The following TMEM64 variants were observed in gnomAD, a reference collection of about 807,000 sequenced individuals.
TMEM64 encodes the protein transmembrane protein 64.
Under a neutral mutation model 24.5 loss-of-function variants are expected in TMEM64, and 19 were observed. The ratio of observed to expected loss-of-function variants is 0.78; its 90% CI spans 0.54 to 1.14. The LOEUF is 1.14. TMEM64 is among the 50% of genes most tolerant of loss of function. The probability of loss-of-function intolerance (pLI) is 0.00; values close to 1 mark genes in which losing one functional copy is unlikely to be tolerated. For synonymous variants in TMEM64, 262 were observed against 224.7 expected, an observed-to-expected ratio of 1.17 and a Z score of -1.49; for missense variants, 487 against 493.0, an observed-to-expected ratio of 0.99 and a Z score of 0.12.
chr8:90,645,080 G>C lies in TMEM64; in HGVS notation c.795+31C>G. On this transcript the variant is annotated intron_variant, in intron 1 of 2. Transcript: ENST00000458549. The surrounding 1 kb of genome is among the most constrained non-coding windows in gnomAD (Gnocchi z 4.2). ...ACAAGACCGCTCAAAAACAGACTTG[G>C]AGAGGGATAGGCCAGCGGGACCCCA... The C allele has an allele frequency of 6.3e-7, 1 of 1,575,594 alleles. No homozygotes were observed. The highest frequency in any genetic ancestry group is 8.6e-7 in the Non-Finnish European group (1 of 1,156,276).
At chr8:90,637,078 C>G (rs1809532949) in intron 1 of TMEM64, among the ~76,000 whole-genome samples, 1 of 151,988 alleles carries the variant, frequency 6.6e-6, no homozygotes, top group South Asian at 2.1e-4. Flanking sequence ...CACCACTATA[C>G]CAAATAGATC....
At chr8:90,638,920 T>G (rs1809561692) in intron 1 of TMEM64, among the ~76,000 whole-genome samples, 1 of 152,136 alleles carries the variant, frequency 6.6e-6, no homozygotes, top group Non-Finnish European at 1.5e-5. Context: ...GAGACTTTCT[T>G]TTATTCACGG....
chr8:90,639,030 G>A (rs1384981519), intron 1 of TMEM64, among the ~76,000 whole-genome samples: 1 of 151,524 alleles, frequency 6.6e-6, no homozygotes, highest in Non-Finnish European at 1.5e-5. Flanking sequence ...CCGCCATGGT[G>A]AACCTAATGT....
At position 90,631,727 on chromosome 8, in the gene TMEM64, G is replaced by C. The variant is rs765752366; in HGVS notation, c.796-20C>G. On this transcript the variant is annotated intron_variant, in intron 1 of 2. Coordinates refer to ENST00000458549, the MANE Select transcript of TMEM64 (RefSeq NM_001008495.4). ...AGTAATCTAGAAGAGTAGATTAAAG[G>C]GAATGATTCATTACCAAGTAAAATT... 2.3e-5 allele frequency: 37 copies of C among 1,593,640 alleles called. 2 individuals carry two copies. The South Asian group carries it at 3.9e-4, about 17-fold the overall frequency.
In TMEM64 at chr8:90,631,667, G is replaced by A. The variant is rs373266981; in HGVS notation, c.836C>T (p.Ser279Leu). The change falls in exon 2 of 3, where the codon TCG becomes TTG. Residue 279 changes from serine (S) to leucine (L), a missense_variant. By Grantham distance (145) the Ser-to-Leu change is moderately radical (BLOSUM62 -2). Around this residue, in one of 3 missense-constraint regions of TMEM64, gnomAD observed 419 missense variants for 407.5 expected, o/e 1.03. Transcript: ENST00000458549. ...AAGCTGGGTAGGAAGCAGTCCAACC[G>A]AAGATGCCATCAGATAGTTGGGTAA... The part of the protein sequence containing the change: ...LSLPNYLMAS[S>L]VGLLPTQLLN... 141 of 1,613,562 alleles carry A rather than the reference G, an allele frequency of 8.7e-5. 1 individual carries two copies. In the South Asian group the frequency reaches 8.8e-4, roughly 10 times the overall value.
In TMEM64 at chr8:90,646,072, C is replaced by T. The variant is rs1809698439; in HGVS notation, c.-167G>A. Reference sequence around the variant, plus strand: ...GCGGAGTCAGCGGAGGAGCGACGGCCAGGCGGGGAGTGAGGAAACTCCTGC... The same window carrying T: ...GCGGAGTCAGCGGAGGAGCGACGGCTAGGCGGGGAGTGAGGAAACTCCTGC... On this transcript the variant is annotated 5_prime_UTR_variant, in exon 1 of 3. Transcript: ENST00000458549. 2 of 232,902 alleles carry T rather than the reference C, an allele frequency of 8.6e-6. No individual in the cohort carries two copies. The highest frequency in any genetic ancestry group is 2.3e-5 in the African/African-American group (1 of 42,920). The allele number at this position is 232,902 out of a possible 1,614,324, so 14.4% of individuals were successfully genotyped here.
chr8:90,636,103 C>CAT (rs902468751), intron 1 of TMEM64, among the ~76,000 whole-genome samples: 35 of 152,266 alleles, frequency 2.3e-4, no homozygotes, highest in African/African-American at 8.4e-4. Context: ...ACTATGCATA[C>CAT]ATATAATTTT....
chr8:90,637,583 A>T (rs1314784558), intron 1 of TMEM64, among the ~76,000 whole-genome samples: 1 of 152,064 alleles, frequency 6.6e-6, no homozygotes, highest in East Asian at 1.9e-4. Context: ...ATTAAAATAC[A>T]TTTAATTATA....
At chr8:90,626,911 A>T (rs1809369008) in intron 2 of TMEM64, among the ~76,000 whole-genome samples, 1 of 152,144 alleles carries the variant, frequency 6.6e-6, no homozygotes, top group Admixed American at 6.5e-5. Flanking sequence ...TACAGGCATG[A>T]GCCACAGTGC....
intron 1 of TMEM64, among the ~76,000 whole-genome samples, chr8:90,644,169 T>A (rs978168869): frequency 7.2e-5 from 11 of 152,348 alleles, no homozygotes; most frequent in African/African-American, 2.6e-4. Context: ...GGAATCTACA[T>A]AAACTCTTGG....
In TMEM64 at chr8:90,645,287, A is replaced by G. The variant is rs765235284; in HGVS notation, c.619T>C (p.Phe207Leu). ...CGCTTGCAGACCACATGGGCGATGA[A>G]GGTGCCGATGAGGACGCCCACCATC... Reference protein sequence around the residue: ...LMMVGVLIGTFIAHVVCKRLL... With the variant: ...LMMVGVLIGTLIAHVVCKRLL... The change falls in exon 1 of 3, where the codon TTC becomes CTC. Residue 207 changes from phenylalanine (F) to leucine (L), a missense_variant. Phe to Leu is a conservative substitution (Grantham distance 22). Around this residue, in one of 3 missense-constraint regions of TMEM64, gnomAD observed 419 missense variants for 407.5 expected, o/e 1.03. Transcript: ENST00000458549. The surrounding 1 kb of genome is among the most constrained non-coding windows in gnomAD (Gnocchi z 4.2). 6.9e-6 allele frequency: 11 copies of G among 1,600,972 alleles called. No individual in the cohort carries two copies. The South Asian group carries it at 1.2e-4, about 18-fold the overall frequency.
intron 1 of TMEM64, among the ~76,000 whole-genome samples, chr8:90,637,102 A>C (rs1342930898): frequency 6.6e-6 from 1 of 152,222 alleles, no homozygotes; most frequent in African/African-American, 2.4e-5. Context: ...AAAACAAAGA[A>C]GTACTCCATC....
intron 2 of TMEM64, among the ~76,000 whole-genome samples, chr8:90,627,196 G>C (rs1045002073): frequency 6.6e-6 from 1 of 152,066 alleles, no homozygotes; most frequent in African/African-American, 2.4e-5. Context: ...AGGGTGGTTG[G>C]GGGAGGAGAT....
At chr8:90,633,545 A>T (rs1809471468) in intron 1 of TMEM64, among the ~76,000 whole-genome samples, 1 of 152,144 alleles carries the variant, frequency 6.6e-6, no homozygotes, top group South Asian at 2.1e-4. Context: ...ACGTATCTTA[A>T]CTCTGGTAGG....
intron 1 of TMEM64, among the ~76,000 whole-genome samples, chr8:90,634,245 T>C (rs1809482034): frequency 6.6e-6 from 1 of 152,164 alleles, no homozygotes; most frequent in Non-Finnish European, 1.5e-5. Flanking sequence ...CATGGACTTA[T>C]TATGTATACT....
intron 1 of TMEM64, among the ~76,000 whole-genome samples, chr8:90,642,924 CT>C (rs569258420): frequency 8.5e-5 from 13 of 152,068 alleles, no homozygotes; most frequent in African/African-American, 1.7e-4. Context: ...GGCCATTTTT[CT>C]TTTTTTTCCC....
At chr8:90,635,288 T>C (rs1235082482) in intron 1 of TMEM64, among the ~76,000 whole-genome samples, 1 of 152,102 alleles carries the variant, frequency 6.6e-6, no homozygotes, top group East Asian at 1.9e-4. Flanking sequence ...TAGTATGAGT[T>C]TGGCAAGCAA....
chr8:90,625,677 A>T lies in TMEM64; in HGVS notation c.1137T>A (p.Val379=). The change falls in exon 3 of 3, where the codon GTT becomes GTA. Residue 379 remains valine (V), a synonymous_variant. Transcript: ENST00000458549. ...ATCACGTATCTCATTAGAATCATAC[A>T]ACATTGATTCCACCTCCAGAAAATG... is the stretch of plus-strand genomic sequence containing the variant. ...TLTFSGGGIN[V]V The T allele has an allele frequency of 6.2e-7, 1 of 1,613,290 alleles. No homozygotes were observed. The highest frequency in any genetic ancestry group is 8.5e-7 in the Non-Finnish European group (1 of 1,179,448).
chr8:90,645,865 C>A lies in TMEM64; in HGVS notation c.41G>T (p.Arg14Leu). The change falls in exon 1 of 3, where the codon CGG becomes CTG. Residue 14 changes from arginine to leucine, a missense_variant. Arg to Leu is a moderately radical substitution (Grantham distance 102, BLOSUM62 -2). This residue lies in a region of TMEM64 where 419 missense variants were observed against 407.5 expected (regional missense o/e 1.03). Coordinates refer to ENST00000458549, the MANE Select transcript of TMEM64 (RefSeq NM_001008495.4). This position sits in a 1 kb window ranked among gnomAD's most constrained non-coding sequence, Gnocchi z 4.2. ...PGGILLQALP[R>L]LLQHAALPGL... ...CGGGAGGGCGGCGTGCTGCAGCAGCCGGGGCAGCGCCTGGAGCAGGATCCC... is the reference window on the plus strand; with the variant it reads ...CGGGAGGGCGGCGTGCTGCAGCAGCAGGGGCAGCGCCTGGAGCAGGATCCC... 8.8e-7 allele frequency: 1 copy of A among 1,136,734 alleles called. No homozygotes were observed. The highest frequency in any genetic ancestry group is 1.6e-5 in the African/African-American group (1 of 60,942). The allele number at this position is 1,136,734 out of a possible 1,614,324, so 70.4% of individuals were successfully genotyped here.
Sources: gnomAD v4.1 joint callset for allele counts (sites outside exome capture counted in the v4.1 genomes callset) on GRCh38, gnomAD v4.1.1 for gene constraint, gnomAD v4.1.1 regional missense constraint, Gnocchi (gnomAD v3.1) non-coding constraint, MANE v1.5 for transcripts, NCBI Gene and HGNC (gene_info 2026-07-23, HGNC 2026-07-21) for gene names.